The following EXOC1L variants were observed in gnomAD, a reference collection of about 807,000 sequenced individuals.
EXOC1L encodes exocyst complex component 1 like.
In EXOC1L, 10 loss-of-function variants were observed where a neutral mutation model predicts 4.9. The ratio of observed to expected loss-of-function variants is 2.02; its 90% CI spans 1.25 to 3.43. The LOEUF is 3.43. EXOC1L is among the 30% of genes most tolerant of loss of function. The pLI is 0.00. For missense variants in EXOC1L, 114 were observed against 59.4 expected, an observed-to-expected ratio of 1.92 and a Z score of -3.02; for synonymous variants, 41 against 20.8, an observed-to-expected ratio of 1.97 and a Z score of -2.63.
intron 1 of EXOC1L, among the ~76,000 whole-genome samples, chr4:55,826,084 T>A (rs1577664452): frequency 1.2e-5 from 1 of 85,120 alleles, no homozygotes; most frequent in South Asian, 4.2e-4. Context: ...AAACTCCATC[T>A]CAAAAAAAAA....
Position 55,819,981 on chromosome 4 carries a change from AGAGT to A in EXOC1L, c.-42_-39del. The A allele has an allele frequency of 5.0e-6, 2 of 398,864 alleles. No homozygotes were observed. Among genetic ancestry groups the A allele is most frequent in the Middle Eastern group, 6.3e-4 (1 of 1,582 alleles). The allele number at this position is 398,864 out of a possible 1,614,324, so 24.7% of individuals were successfully genotyped here. On this transcript the variant is annotated 5_prime_UTR_variant, in exon 1 of 3. Coordinates refer to ENST00000636125, the MANE Select transcript of EXOC1L (RefSeq NM_001351574.3). ...AATCTAGGGAGCAAAAGGAGAGGAAAGAGTGAGCTTGAGCCAAGACATCAGGCCA... is the reference window on the plus strand; with the variant it reads ...AATCTAGGGAGCAAAAGGAGAGGAAAGAGCTTGAGCCAAGACATCAGGCCA...
At chr4:55,836,991 A>G in intron 2 of EXOC1L, 94 bp from the exon 3 acceptor site, 1 of 520,034 alleles carries the variant, frequency 1.9e-6, no homozygotes, top group Middle Eastern at 2.8e-4. Flanking sequence ...ATACTTTACA[A>G]TCAATAAACA....
chr4:55,829,245 T>C (rs1719964743), intron 1 of EXOC1L, among the ~76,000 whole-genome samples: 1 of 152,240 alleles, frequency 6.6e-6, no homozygotes, highest in South Asian at 2.1e-4. Context: ...AACCAGGCAC[T>C]ATCCTAAGTT....
intron 2 of EXOC1L, 129 bp downstream of exon 2, chr4:55,831,593 T>C (rs1341710434): frequency 3.0e-5 from 14 of 459,626 alleles, no homozygotes; most frequent in Non-Finnish European, 1.1e-5. Context: ...GTAAGTGGCA[T>C]AGTTTAATCT....
rs114643181 is a variant in EXOC1L at position 55,837,411 on chromosome 4, G to C, written c.*60G>C. On this transcript the variant is annotated 3_prime_UTR_variant, in exon 3 of 3. Coordinates refer to ENST00000636125, the MANE Select transcript of EXOC1L (RefSeq NM_001351574.3). ...GAAAATGGTTTCCCAAGTAAATATT[G>C]ATTGTCATAATTTTGTTTTTCCTTC... 5.5e-3 allele frequency: 2,353 copies of C among 431,524 alleles called. 21 individuals are homozygous for C. Among genetic ancestry groups the C allele is most frequent in the African/African-American group, 0.026 (1,268 of 49,344 alleles). 26.7% of individuals were successfully genotyped at this position (431,524 alleles called of 1,614,324 possible).
At chr4:55,831,595 G>C in intron 2 of EXOC1L, 131 bp downstream of exon 2, 1 of 457,818 alleles carries the variant, frequency 2.2e-6, no homozygotes, top group East Asian at 3.5e-5. Context: ...AAGTGGCATA[G>C]TTTAATCTAC....
intron 2 of EXOC1L, 72 bp from the exon 3 acceptor site, chr4:55,837,013 A>G (rs1720181629): frequency 1.7e-6 from 1 of 594,154 alleles, no homozygotes; most frequent in Non-Finnish European, 3.0e-6. Flanking sequence ...ATCCAAGAGA[A>G]TATGAGAGAA....
At chr4:55,827,482 A>G (rs1187691468) in intron 1 of EXOC1L, among the ~76,000 whole-genome samples, 1 of 152,082 alleles carries the variant, frequency 6.6e-6, no homozygotes, top group Non-Finnish European at 1.5e-5. Flanking sequence ...ACTCCCTACA[A>G]TCTCAGTGAC....
chr4:55,820,932 A>G (rs1719722714), intron 1 of EXOC1L, among the ~76,000 whole-genome samples: 1 of 152,224 alleles, frequency 6.6e-6, no homozygotes, highest in Admixed American at 6.5e-5. Context: ...ATTGAACAGA[A>G]TATACAGTAT....
Position 55,837,246 on chromosome 4 carries a change from T to A in EXOC1L, c.414T>A (p.Asp138Glu), listed in dbSNP as rs923890227. The part of the protein sequence containing the change: ...IVNFDSTYIN[D>E]DSIWSSNNKD... ...ACTTTGATTCTACATACATTAACGA[T>A]GATTCCATTTGGTCCTCCAACAATA... The change falls in exon 3 of 3, where the codon GAT becomes GAA. Residue 138 changes from aspartate to glutamate, a missense_variant. Asp to Glu is a conservative substitution (Grantham distance 45). Coordinates refer to ENST00000636125, the MANE Select transcript of EXOC1L (RefSeq NM_001351574.3). 1.4e-6 allele frequency: 1 copy of A among 701,424 alleles called. No homozygotes were observed. Among genetic ancestry groups the A allele is most frequent in the Non-Finnish European group, 2.6e-6 (1 of 384,058 alleles). 43.5% of individuals were successfully genotyped at this position (701,424 alleles called of 1,614,324 possible).
intron 2 of EXOC1L, 97 bp from the exon 3 acceptor site, chr4:55,836,988 A>C: frequency 1.9e-6 from 1 of 514,242 alleles, no homozygotes. Context: ...CTGATACTTT[A>C]CAATCAATAA....
intron 1 of EXOC1L, among the ~76,000 whole-genome samples, chr4:55,828,389 C>G (rs1432088180): frequency 6.6e-6 from 1 of 152,170 alleles, no homozygotes; most frequent in East Asian, 1.9e-4. Flanking sequence ...ACGGGATTGT[C>G]TCCAAACCTT....
intron 1 of EXOC1L, among the ~76,000 whole-genome samples, chr4:55,827,018 C>A (rs1384963546): frequency 1.3e-5 from 2 of 152,192 alleles, no homozygotes; most frequent in Admixed American, 1.3e-4. Context: ...TGGAAGATCA[C>A]AAAATAAGTT....
At chr4:55,834,966 A>G (rs1231843131) in intron 2 of EXOC1L, among the ~76,000 whole-genome samples, 1 of 151,822 alleles carries the variant, frequency 6.6e-6, no homozygotes, top group Non-Finnish European at 1.5e-5. Context: ...GTAGTCTTTT[A>G]TCCCTCACTG....
rs939293341 is a variant in EXOC1L, at chr4:55,837,252, C to A, written c.420C>A (p.Ser140=). Residue 140 remains serine, a synonymous_variant, in exon 3 of 3, where the codon TCC becomes TCA. Transcript: ENST00000636125. ...ATTCTACATACATTAACGATGATTCCATTTGGTCCTCCAACAATAAGGATT... is the reference window on the plus strand; with the variant it reads ...ATTCTACATACATTAACGATGATTCAATTTGGTCCTCCAACAATAAGGATT... ...NFDSTYINDD[S]IWSSNNKDCL... 5.7e-6 allele frequency: 4 copies of A among 701,058 alleles called. No homozygotes were observed. The highest frequency in any genetic ancestry group is 1.0e-5 in the Non-Finnish European group (4 of 383,896). The allele number at this position is 701,058 out of a possible 1,614,324, so 43.4% of individuals were successfully genotyped here. A position where few individuals can be genotyped will look rare whatever the true frequency, so the allele number is the denominator to read the frequency against.
intron 1 of EXOC1L, among the ~76,000 whole-genome samples, chr4:55,826,371 C>A (rs1385348310): frequency 1.3e-5 from 2 of 152,116 alleles, no homozygotes; most frequent in Admixed American, 1.3e-4. Context: ...TATATTGGAT[C>A]AATCGGGCAA....
intron 1 of EXOC1L, among the ~76,000 whole-genome samples, chr4:55,830,190 A>G (rs1719989456): frequency 6.6e-6 from 1 of 152,142 alleles, no homozygotes; most frequent in African/African-American, 2.4e-5. Flanking sequence ...CACTATGATT[A>G]TACTGTGATA....
At chr4:55,834,848 A>T (rs1011666906) in intron 2 of EXOC1L, among the ~76,000 whole-genome samples, 2 of 151,868 alleles carry the variant, frequency 1.3e-5, no homozygotes, top group African/African-American at 2.4e-5. Flanking sequence ...TTATTTCAAT[A>T]GGTTTTTGAG....
At chr4:55,822,798 T>A (rs1719780760) in intron 1 of EXOC1L, among the ~76,000 whole-genome samples, 1 of 152,178 alleles carries the variant, frequency 6.6e-6, no homozygotes, top group African/African-American at 2.4e-5. Flanking sequence ...TGCTCCCCTG[T>A]TAAATTCTTA....
Sources: allele counts gnomAD v4.1 joint callset (sites outside exome capture counted in the v4.1 genomes callset), GRCh38; gene constraint gnomAD v4.1.1; transcripts MANE v1.5; gene names NCBI Gene and HGNC (gene_info 2026-07-23, HGNC 2026-07-21).